Variants in LIMK1 observed in about 807,000 individuals in gnomAD.
The protein encoded by LIMK1 is LIM domain kinase 1, also known as LIM motif-containing protein kinase.
Under a neutral mutation model 77.6 loss-of-function variants are expected in LIMK1, and 21 were observed. That is an observed-to-expected ratio of 0.27 (90% CI 0.19 to 0.39). LIMK1 has a LOEUF of 0.39. Ranked by LOEUF, LIMK1 falls within the 10% of genes least tolerant of loss-of-function variation. The pLI is 1.00. For synonymous variants in LIMK1, 358 were observed against 370.0 expected, an observed-to-expected ratio of 0.97 and a Z score of 0.37; for missense variants, 696 against 901.6, an observed-to-expected ratio of 0.77 and a Z score of 2.92.
chr7:74,116,040 T>C (rs1799801657), intron 13 of LIMK1, 82 bp downstream of exon 13: 11 of 1,448,600 alleles, frequency 7.6e-6, no homozygotes, highest in Non-Finnish European at 1.0e-5. Context: ...CCCAAGCCCC[T>C]GGCCCCTCCC....
intron 7 of LIMK1, 69 bp downstream of exon 7, chr7:74,106,312 C>G: frequency 6.6e-7 from 1 of 1,521,644 alleles, no homozygotes; most frequent in Non-Finnish European, 8.8e-7. Flanking sequence ...GCTGTGGGAC[C>G]TAGGTCGGGG....
chr7:74,088,503 G>A (rs1799178331), intron 2 of LIMK1, among the ~76,000 whole-genome samples: 1 of 152,006 alleles, frequency 6.6e-6, no homozygotes, highest in African/African-American at 2.4e-5. Context: ...GCCAAGATAA[G>A]GAGTTTCAGA....
chr7:74,106,408 T>C (rs1180390016), intron 7 of LIMK1, among the ~76,000 whole-genome samples, 165 bp downstream of exon 7: 2 of 152,124 alleles, frequency 1.3e-5, no homozygotes, highest in African/African-American at 4.8e-5. Context: ...GCTCTCCAGC[T>C]TGGGTGACAA....
At chr7:74,086,607 C>T (rs2115611422) in intron 2 of LIMK1, among the ~76,000 whole-genome samples, 1 of 152,272 alleles carries the variant, frequency 6.6e-6, no homozygotes, top group Non-Finnish European at 1.5e-5. Flanking sequence ...AGCAATCCTC[C>T]TGCCTTGGCC....
In LIMK1 at chr7:74,102,031, C is replaced by G. The variant is rs553933611; in HGVS notation, c.608+2793C>G. On this transcript the variant is annotated intron_variant, in intron 5 of 15. Transcript: ENST00000336180. Reference sequence around the variant, plus strand: ...TAGAGACTGAGTCTTGCTGTGTCGCCCAGGCTAGTCTTGAACTCCTGGGCT... The same window carrying G: ...TAGAGACTGAGTCTTGCTGTGTCGCGCAGGCTAGTCTTGAACTCCTGGGCT... Among the ~76,000 whole-genome samples, 6 of 152,164 alleles carry G rather than the reference C, an allele frequency of 3.9e-5. No homozygotes were observed. In the South Asian group the frequency reaches 1.2e-3, roughly 32 times the overall value.
chr7:74,111,983 C>T lies in LIMK1; in HGVS notation c.1395C>T (p.Asn465=). 6.2e-7 allele frequency: 1 copy of T among 1,611,354 alleles called. No individual in the cohort carries two copies. The highest frequency in any genetic ancestry group is 8.5e-7 in the Non-Finnish European group (1 of 1,178,780). Residue 465 remains asparagine (N), a synonymous_variant, in exon 12 of 16, where the codon AAC becomes AAT. Transcript: ENST00000336180. The part of the protein sequence containing the change: ...NIIHRDLNSH[N]CLVRENKNVV... ...TCCACCGAGACCTCAACTCCCACAA[C>T]TGCCTGGTCCGCGAGGTGAGTACCA...
chr7:74,108,607 C>G (rs750123131), intron 9 of LIMK1, among the ~76,000 whole-genome samples: 2 of 150,388 alleles, frequency 1.3e-5, no homozygotes, highest in African/African-American at 2.5e-5. Flanking sequence ...AAGATCGTGC[C>G]GCTGCCCTCC....
chr7:74,112,136 A>G, intron 12 of LIMK1, 138 bp downstream of exon 12: 1 of 703,384 alleles, frequency 1.4e-6, no homozygotes, highest in Non-Finnish European at 2.4e-6. Flanking sequence ...GGTGGGGGGC[A>G]GCAGCCCGTG....
chr7:74,098,682 T>G (rs1799385406), intron 4 of LIMK1, among the ~76,000 whole-genome samples: 1 of 151,500 alleles, frequency 6.6e-6, no homozygotes, highest in Non-Finnish European at 1.5e-5. Context: ...CCGTCTCTAC[T>G]AAAAATAAGA....
rs57707215 is a variant in LIMK1, at chr7:74,118,377, AACACACACACACACACACAC to A, written c.1568-2176_1568-2157del. Among the ~76,000 whole-genome samples the A allele has an allele frequency of 5.8e-4, 75 of 130,126 alleles. No individual in the cohort carries two copies. The South Asian group carries it at 0.012, about 21-fold the overall frequency. The allele number at this position is 130,126 out of a possible 152,430, so 85.4% of individuals were successfully genotyped here. On this transcript the variant is annotated intron_variant, in intron 13 of 15. Coordinates refer to ENST00000336180, the MANE Select transcript of LIMK1 (RefSeq NM_002314.4). ...GACGACAGAGTGGGACTCTGTGTCA[AACACACACACACACACACAC>A]ACACACACACACACACACACACACA...
intron 7 of LIMK1, 99 bp downstream of exon 7, chr7:74,106,342 C>A: frequency 1.4e-6 from 2 of 1,384,584 alleles, no homozygotes; most frequent in Non-Finnish European, 2.0e-6. Flanking sequence ...TGCACAAATG[C>A]AGCCCAGGCT....
chr7:74,102,477 A>G (rs1167720969), intron 5 of LIMK1, among the ~76,000 whole-genome samples: 1 of 42,226 alleles, frequency 2.4e-5, no homozygotes, highest in Non-Finnish European at 5.8e-5. Flanking sequence ...CAAAAGAAGG[A>G]CCTTCTCTTT....
rs1481144485 is a variant in LIMK1 at position 74,122,103 on chromosome 7, AC to A, written c.*804del. The stretch of plus-strand genomic sequence containing the variant: ...GGCACAGTGGACCGGGCAGGTGTCC[AC>A]CAGCAGCTCAGCCCCTGCAGTCATC... On this transcript the variant is annotated 3_prime_UTR_variant, in exon 16 of 16. Coordinates refer to ENST00000336180, the MANE Select transcript of LIMK1 (RefSeq NM_002314.4). 13 of 152,606 alleles carry A rather than the reference AC, an allele frequency of 8.5e-5. No individual in the cohort carries two copies. Among genetic ancestry groups the A allele is most frequent in the African/African-American group, 3.1e-4 (13 of 41,422 alleles). 9.5% of individuals were successfully genotyped at this position (152,606 alleles called of 1,614,324 possible). A position where few individuals can be genotyped will look rare whatever the true frequency, so the allele number is the denominator to read the frequency against.
At chr7:74,097,532 C>G (rs1020442995) in intron 4 of LIMK1, among the ~76,000 whole-genome samples, 10 of 152,100 alleles carry the variant, frequency 6.6e-5, no homozygotes, top group East Asian at 5.8e-4. Flanking sequence ...AAAAATTAAC[C>G]AGGTGTGGTG....
At chr7:74,108,329 C>A (rs1375257643) in intron 9 of LIMK1, among the ~76,000 whole-genome samples, 1 of 150,458 alleles carries the variant, frequency 6.6e-6, no homozygotes, top group Non-Finnish European at 1.5e-5. Flanking sequence ...CAAGGCAAGA[C>A]CCTGTGTCCA....
rs377535448 is a variant in LIMK1 at position 74,120,003 on chromosome 7, G to C, written c.1568-580G>C. On this transcript the variant is annotated intron_variant, in intron 13 of 15. Coordinates refer to ENST00000336180, the MANE Select transcript of LIMK1 (RefSeq NM_002314.4). ...CTGCGCTCCCTCCAGGGCGATCTAG[G>C]GGAGAATGCATTCCTTGCCTCTTCC... Among the ~76,000 whole-genome samples, 15 of 152,244 alleles carry C rather than the reference G, an allele frequency of 9.9e-5. No homozygotes were observed. The East Asian group carries it at 2.5e-3, about 26-fold the overall frequency.
At chr7:74,084,918 G>A (rs538071578) in intron 1 of LIMK1, among the ~76,000 whole-genome samples, 60 of 152,284 alleles carry the variant, frequency 3.9e-4, no homozygotes, top group African/African-American at 1.4e-3. Context: ...GATTGGGGTA[G>A]GGGCCCACCT....
chr7:74,112,505 G>A (rs1220687054), intron 12 of LIMK1, among the ~76,000 whole-genome samples: 1 of 152,072 alleles, frequency 6.6e-6, no homozygotes, highest in Non-Finnish European at 1.5e-5. Context: ...CGGATCACGA[G>A]GTCAGGAGAT....
chr7:74,087,897 G>T lies in LIMK1; in HGVS notation c.152+2053G>T, dbSNP rs566291320. 3.3e-5 allele frequency among the ~76,000 whole-genome samples: 5 copies of T among 151,660 alleles called. No individual in the cohort carries two copies. In the East Asian group the frequency reaches 9.8e-4, roughly 30 times the overall value. On this transcript the variant is annotated intron_variant, in intron 2 of 15. Coordinates refer to ENST00000336180, the MANE Select transcript of LIMK1 (RefSeq NM_002314.4). ...GAGCCACTGCACCTGGCCTCGGTTTGTTTTTTTGTTTCTTCTTTTCTTTTT... is the reference window on the plus strand; with the variant it reads ...GAGCCACTGCACCTGGCCTCGGTTTTTTTTTTTGTTTCTTCTTTTCTTTTT...
Sources: allele counts gnomAD v4.1 joint callset (sites outside exome capture counted in the v4.1 genomes callset), GRCh38; gene constraint gnomAD v4.1.1; transcripts MANE v1.5; gene names NCBI Gene and HGNC (gene_info 2026-07-23, HGNC 2026-07-21).